Variants in PRUNE2 observed in about 807,000 individuals in gnomAD.
PRUNE2 encodes protein prune homolog 2.
Under a neutral mutation model 252.0 loss-of-function variants are expected in PRUNE2, and 164 were observed. The ratio of observed to expected loss-of-function variants is 0.65; its 90% confidence interval spans 0.57 to 0.74. The LOEUF is 0.74. Ranked by LOEUF, PRUNE2 falls within the 30% of genes least tolerant of loss-of-function variation. PRUNE2 has a pLI of 0.00. For synonymous variants in PRUNE2, 1,292 were observed against 1,350.2 expected, an observed-to-expected ratio of 0.96 and a Z score of 0.94; for missense variants, 3,495 against 3,711.0, an observed-to-expected ratio of 0.94 and a Z score of 1.51.
At chr9:76,857,906 A>C (rs2060344383) in intron 1 of PRUNE2, among the ~76,000 whole-genome samples, 1 of 152,106 alleles carries the variant, frequency 6.6e-6, no homozygotes, top group South Asian at 2.1e-4. Context: ...ACGGAACCCA[A>C]AAGAGACTCC....
intron 16 of PRUNE2, among the ~76,000 whole-genome samples, chr9:76,628,440 C>T (rs1301227719): frequency 1.3e-5 from 2 of 152,144 alleles, no homozygotes; most frequent in East Asian, 3.8e-4. Flanking sequence ...TTAGAAGAAA[C>T]AGAGAAAGAG....
Position 76,707,305 on chromosome 9 carries a change from G to A in PRUNE2, c.4969C>T (p.Leu1657=). 1 of 1,613,880 alleles carries A rather than the reference G, an allele frequency of 6.2e-7. No individual in the cohort carries two copies. The highest frequency in any genetic ancestry group is 8.5e-7 in the Non-Finnish European group (1 of 1,179,820). The change falls in exon 8 of 19, where the codon CTA becomes TTA. Residue 1657 remains leucine (L), a synonymous_variant. Transcript: ENST00000376718. ...EHSGTHQESN[L]IASYQEKNEH... ...TTTTTCTCCTGGTAGCTAGCAATTA[G>A]ATTGCTTTCCTGATGTGTCCCTGAA...
intron 9 of PRUNE2, among the ~76,000 whole-genome samples, chr9:76,694,539 G>A (rs756622220): frequency 1.4e-4 from 21 of 152,162 alleles, no homozygotes; most frequent in Non-Finnish European, 2.6e-4. Flanking sequence ...GCCAGGCACA[G>A]TGATTAAGTT....
At chr9:76,700,361 T>A (rs951184669) in intron 9 of PRUNE2, 1 of 152,230 alleles carries the variant, frequency 6.6e-6, no homozygotes, top group African/African-American at 2.4e-5. Context: ...GATCTTCTGT[T>A]CTATGATCAG....
chr9:76,641,903 AC>A, intron 12 of PRUNE2: 1 of 1,503,430 alleles, frequency 6.7e-7, no homozygotes, highest in Non-Finnish European at 8.8e-7. Context: ...ACACACACAC[AC>A]CAGCCAGCAA....
At chr9:76,671,029 T>A (rs1165108075) in intron 9 of PRUNE2, among the ~76,000 whole-genome samples, 2 of 152,338 alleles carry the variant, frequency 1.3e-5, no homozygotes, top group Non-Finnish European at 1.5e-5. Context: ...GCTCCTCACC[T>A]GCAACGGAAT....
intron 10 of PRUNE2, among the ~76,000 whole-genome samples, chr9:76,653,338 A>C (rs1489408484): frequency 6.6e-6 from 1 of 152,206 alleles, no homozygotes; most frequent in Non-Finnish European, 1.5e-5. Context: ...ACAGATGCTC[A>C]AGTCCCTAAT....
At chr9:76,623,202 A>C (rs1417909590) in intron 17 of PRUNE2, among the ~76,000 whole-genome samples, 4 of 152,244 alleles carry the variant, frequency 2.6e-5, no homozygotes, top group Non-Finnish European at 4.4e-5. Flanking sequence ...TAATGTGCTT[A>C]ATTCAGCAAA....
intron 6 of PRUNE2, among the ~76,000 whole-genome samples, chr9:76,767,961 T>C (rs980908450): frequency 1.3e-5 from 2 of 152,206 alleles, no homozygotes; most frequent in Non-Finnish European, 2.9e-5. Flanking sequence ...TAATTGTACA[T>C]TCACATCTCT....
chr9:76,683,031 CTCTT>C (rs1311992270), intron 9 of PRUNE2, among the ~76,000 whole-genome samples: 1 of 152,222 alleles, frequency 6.6e-6, no homozygotes, highest in Non-Finnish European at 1.5e-5. Flanking sequence ...CCTCCCCAGA[CTCTT>C]TCTTCTTTTG....
intron 6 of PRUNE2, among the ~76,000 whole-genome samples, chr9:76,727,740 G>T (rs1252213138): frequency 6.9e-5 from 6 of 86,942 alleles, no homozygotes; most frequent in Admixed American, 1.8e-4. Flanking sequence ...TTTGAAACAG[G>T]GTCTCACTTT....
At chr9:76,736,135 A>AGTGTGTGT (rs10536918) in intron 6 of PRUNE2, among the ~76,000 whole-genome samples, 59 of 149,516 alleles carry the variant, frequency 3.9e-4, no homozygotes, top group African/African-American at 1.4e-3. Context: ...GGTTTGTGTG[A>AGTGTGTGT]GTGTGTGTGT....
At chr9:76,840,234 A>G (rs1484685013) in intron 4 of PRUNE2, among the ~76,000 whole-genome samples, 1 of 152,218 alleles carries the variant, frequency 6.6e-6, no homozygotes, top group Admixed American at 6.5e-5. Context: ...AACAAGTAAG[A>G]TGAAGGAAGA....
At chr9:76,627,087 T>G (rs763637884) in intron 16 of PRUNE2, among the ~76,000 whole-genome samples, 22 of 136,432 alleles carry the variant, frequency 1.6e-4, no homozygotes, top group Non-Finnish European at 2.9e-4. Flanking sequence ...GTTTCCATAC[T>G]TCTTCATCTT....
intron 4 of PRUNE2, among the ~76,000 whole-genome samples, chr9:76,833,692 G>C (rs923242913): frequency 6.6e-6 from 1 of 151,658 alleles, no homozygotes; most frequent in Non-Finnish European, 1.5e-5. Flanking sequence ...GTGAACCCGG[G>C]AGGCGGAGCT....
intron 1 of PRUNE2, among the ~76,000 whole-genome samples, chr9:76,889,543 C>T (rs937469413): frequency 2.0e-5 from 3 of 152,156 alleles, no homozygotes; most frequent in Non-Finnish European, 4.4e-5. Context: ...TGGTCTCAAA[C>T]TCCTGTGCTC....
chr9:76,693,562 G>A (rs552031088), intron 9 of PRUNE2, among the ~76,000 whole-genome samples: 1 of 149,646 alleles, frequency 6.7e-6, no homozygotes, highest in African/African-American at 2.5e-5. Flanking sequence ...TCCTGCCTCA[G>A]CCTCCTGAGT....
rs2050631177 is a variant in PRUNE2 at position 76,751,741 on chromosome 9, A to G, written c.757-38020T>C. Among the ~76,000 whole-genome samples, 13 of 152,354 alleles carry G rather than the reference A, an allele frequency of 8.5e-5. No homozygotes were observed. The South Asian group carries it at 2.7e-3, about 32-fold the overall frequency. On this transcript the variant is annotated intron_variant, in intron 6 of 18. Transcript: ENST00000376718. Reference sequence around the variant, plus strand: ...CTCCAACCTCCAGTCAAAATGAATAACTAAATAGATTTGGTTAGACAGTTA... The same window carrying G: ...CTCCAACCTCCAGTCAAAATGAATAGCTAAATAGATTTGGTTAGACAGTTA...
chr9:76,821,684 T>C (rs1385294871), intron 6 of PRUNE2, among the ~76,000 whole-genome samples: 2 of 152,304 alleles, frequency 1.3e-5, no homozygotes, highest in Admixed American at 6.5e-5. Flanking sequence ...TCCAAGATCA[T>C]ATAACACTTT....
Sources: allele counts gnomAD v4.1 joint callset (sites outside exome capture counted in the v4.1 genomes callset), GRCh38; gene constraint gnomAD v4.1.1; transcripts MANE v1.5; gene names NCBI Gene and HGNC (gene_info 2026-07-23, HGNC 2026-07-21).